The following VSIG10 variants were observed in gnomAD, a reference collection of about 807,000 sequenced individuals.
The protein encoded by VSIG10 is V-set and immunoglobulin domain containing 10.
In VSIG10, 48 loss-of-function variants were observed where a neutral mutation model predicts 58.7. That is an observed-to-expected ratio of 0.82 (90% CI 0.65 to 1.04). The LOEUF (loss-of-function observed/expected upper bound fraction) is 1.04. Among genes scored for constraint, VSIG10 ranks in the 50% least tolerant of loss-of-function variants. VSIG10 has a pLI of 0.00. For missense variants in VSIG10, 628 were observed against 670.0 expected (o/e 0.94, Z 0.69); for synonymous variants, 260 against 267.1 (o/e 0.97, Z 0.26).
At chr12:118,087,280 C>T (rs35904952) in intron 2 of VSIG10, among the ~76,000 whole-genome samples, 17,892 of 151,698 alleles carry the variant, frequency 0.12, 1,129 homozygotes, top group South Asian at 0.17. Context: ...CCATTCCAGG[C>T]AGGTTGAATT....
chr12:118,068,198 T>TC (rs1437665732), intron 8 of VSIG10, among the ~76,000 whole-genome samples, 179 bp downstream of exon 8: 4 of 142,690 alleles, frequency 2.8e-5, no homozygotes, highest in African/African-American at 7.8e-5. Context: ...ATTTTTCTTT[T>TC]TTTTTTTTTT....
chr12:118,082,040 A>G, intron 3 of VSIG10, 87 bp downstream of exon 3: 5 of 1,206,716 alleles, frequency 4.1e-6, no homozygotes, highest in Non-Finnish European at 5.6e-6. Context: ...AAAAAAAAAG[A>G]CAAATGGGAG....
chr12:118,070,975 G>A (rs2032467196), intron 7 of VSIG10, 77 bp downstream of exon 7: 3 of 1,533,932 alleles, frequency 2.0e-6, no homozygotes, highest in Non-Finnish European at 1.8e-6. Context: ...TATTGTTCTT[G>A]TGAAAGGAAG....
chr12:118,085,917 G>A (rs1003733229), intron 2 of VSIG10, among the ~76,000 whole-genome samples: 5 of 151,894 alleles, frequency 3.3e-5, no homozygotes, highest in Non-Finnish European at 5.9e-5. Flanking sequence ...AGCACTTTGG[G>A]AGCCCAAGGC....
intron 3 of VSIG10, 65 bp from the exon 4 acceptor site, chr12:118,079,671 T>A (rs1334215284): frequency 6.3e-7 from 1 of 1,582,362 alleles, no homozygotes; most frequent in Non-Finnish European, 8.6e-7. Context: ...CTGGACTGGC[T>A]CTAAGGATGG....
At chr12:118,071,586 C>A in intron 5 of VSIG10, 117 bp from the exon 6 acceptor site, 1 of 867,358 alleles carries the variant, frequency 1.2e-6, no homozygotes, top group Non-Finnish European at 1.9e-6. Flanking sequence ...TTGGGTAAGG[C>A]TTATGACCTG....
At chr12:118,089,556 T>C (rs1210435637) in intron 2 of VSIG10, among the ~76,000 whole-genome samples, 8 of 152,276 alleles carry the variant, frequency 5.3e-5, no homozygotes, top group Admixed American at 4.6e-4. Flanking sequence ...CACTTGCCCG[T>C]AGGCTCACAG....
At chr12:118,089,137 T>C (rs1484670960) in intron 2 of VSIG10, among the ~76,000 whole-genome samples, 1 of 151,978 alleles carries the variant, frequency 6.6e-6, no homozygotes, top group Admixed American at 6.6e-5. Flanking sequence ...TTAGTAGAGA[T>C]GGAGTTTCAC....
intron 2 of VSIG10, among the ~76,000 whole-genome samples, chr12:118,087,197 T>C (rs1298745193): frequency 6.6e-6 from 1 of 152,078 alleles, no homozygotes; most frequent in African/African-American, 2.4e-5. Context: ...ACCCTTCAAC[T>C]TCACCTTTCA....
intron 4 of VSIG10, among the ~76,000 whole-genome samples, chr12:118,075,499 G>A (rs1008298019): frequency 2.0e-5 from 3 of 152,042 alleles, no homozygotes; most frequent in African/African-American, 4.8e-5. Context: ...GGGATTACAG[G>A]TGCCTGCCAC....
intron 7 of VSIG10, 62 bp downstream of exon 7, chr12:118,070,990 C>T: frequency 1.3e-6 from 2 of 1,574,318 alleles, no homozygotes; most frequent in Non-Finnish European, 1.7e-6. Context: ...AGGAAGGGAA[C>T]AAAACAGAAG....
Position 118,066,612 on chromosome 12 carries a change from C to A in VSIG10, c.*27G>T, listed in dbSNP as rs374194907. 2.5e-6 allele frequency: 4 copies of A among 1,613,370 alleles called. No homozygotes were observed. The highest frequency in any genetic ancestry group is 3.4e-6 in the Non-Finnish European group (4 of 1,179,546). On this transcript the variant is annotated 3_prime_UTR_variant, in exon 9 of 9. Transcript: ENST00000359236. ...AATGTAGCTCTCCAAGCTTTCAGAG[C>A]AAGACAACCATGGACCATCCTCTTC...
At chr12:118,082,644 A>G (rs1228950835) in intron 2 of VSIG10, among the ~76,000 whole-genome samples, 10 of 152,104 alleles carry the variant, frequency 6.6e-5, no homozygotes, top group Non-Finnish European at 1.5e-5. Context: ...ATAAATCTTT[A>G]CAGAACAGCA....
At chr12:118,073,573 G>A (rs2032585575) in intron 5 of VSIG10, 126 bp downstream of exon 5, 1 of 1,097,798 alleles carries the variant, frequency 9.1e-7, no homozygotes, top group Non-Finnish European at 1.3e-6. Context: ...TCATAAGCAA[G>A]CAGATATGCC....
At chr12:118,073,495 A>G (rs542880761) in intron 5 of VSIG10, among the ~76,000 whole-genome samples, 8 of 152,214 alleles carry the variant, frequency 5.3e-5, no homozygotes, top group African/African-American at 1.9e-4. Context: ...ATATTATGTA[A>G]TTTTTGCTAC....
At chr12:118,099,079 C>T (rs1720402322) in intron 1 of VSIG10, among the ~76,000 whole-genome samples, 1 of 151,552 alleles carries the variant, frequency 6.6e-6, no homozygotes, top group Non-Finnish European at 1.5e-5. Flanking sequence ...GTGATTCTGA[C>T]GCCCATTCAA....
chr12:118,067,533 G>A (rs923150564), intron 8 of VSIG10, among the ~76,000 whole-genome samples: 4 of 146,928 alleles, frequency 2.7e-5, no homozygotes, highest in Admixed American at 1.4e-4. Flanking sequence ...GCACGATCTC[G>A]GCTCACTGCA....
intron 5 of VSIG10, 76 bp downstream of exon 5, chr12:118,073,623 A>C: frequency 6.7e-7 from 1 of 1,502,026 alleles, no homozygotes; most frequent in Non-Finnish European, 9.0e-7. Context: ...GGGAGGCACC[A>C]GGCTGTCCTC....
intron 4 of VSIG10, among the ~76,000 whole-genome samples, chr12:118,074,518 G>A (rs113891717): frequency 4.0e-5 from 6 of 149,184 alleles, no homozygotes; most frequent in South Asian, 2.1e-4. Context: ...TCACTTTGTC[G>A]CCCAGGCTGG....
Sources: allele counts gnomAD v4.1 joint callset (sites outside exome capture counted in the v4.1 genomes callset), GRCh38; gene constraint gnomAD v4.1.1; transcripts MANE v1.5; gene names NCBI Gene and HGNC (gene_info 2026-07-23, HGNC 2026-07-21).